GPHN: variants seen among roughly 807,000 people sequenced by gnomAD.
The protein encoded by GPHN is gephyrin.
Under a neutral mutation model 95.5 loss-of-function variants are expected in GPHN, and 17 were observed. The observed-to-expected ratio is 0.18, with a 90% CI of 0.12 to 0.27. The LOEUF is 0.27. GPHN is among the 10% of genes least tolerant of loss of function. The pLI is 1.00. For synonymous variants in GPHN, 320 were observed against 322.5 expected (o/e 0.99, Z 0.08); for missense variants, 660 against 978.1 (o/e 0.67, Z 4.34).
intron 2 of GPHN, among the ~76,000 whole-genome samples, chr14:66,715,912 A>G (rs768503309): frequency 2.7e-4 from 41 of 152,066 alleles, no homozygotes; most frequent in African/African-American, 1.2e-4. Context: ...CATATGGTCT[A>G]TCTTGGAGAA....
chr14:66,747,267 A>G (rs2058188329), intron 2 of GPHN, among the ~76,000 whole-genome samples: 2 of 152,088 alleles, frequency 1.3e-5, no homozygotes, highest in African/African-American at 2.4e-5. Context: ...AGGACCCCTA[A>G]TTGATTTTTA....
chr14:66,549,981 ACTT>A, intron 1 of GPHN, among the ~76,000 whole-genome samples: 1 of 152,200 alleles, frequency 6.6e-6, no homozygotes, highest in East Asian at 1.9e-4. Flanking sequence ...AAGTATTACT[ACTT>A]ATTGATAATG....
chr14:67,452,228 C>G, the GPHN span, among the ~76,000 whole-genome samples: 1 of 149,422 alleles, frequency 6.7e-6, no homozygotes, highest in African/African-American at 2.5e-5. Flanking sequence ...GAAGCTGAGG[C>G]AAGAGAATCA....
intron 5 of GPHN, among the ~76,000 whole-genome samples, chr14:66,908,803 A>G (rs984309475): frequency 6.6e-6 from 1 of 151,860 alleles, no homozygotes. Flanking sequence ...CCCTAATCTT[A>G]TCATCAGAAA....
intron 8 of GPHN, among the ~76,000 whole-genome samples, chr14:66,925,962 A>T (rs1014169661): frequency 2.0e-5 from 3 of 152,212 alleles, no homozygotes; most frequent in African/African-American, 7.2e-5. Context: ...AAGAGATGAT[A>T]TCTCATTATA....
At chr14:67,376,426 A>G in the GPHN span, 1 of 1,572,162 alleles carries the variant, frequency 6.4e-7, no homozygotes, top group Non-Finnish European at 8.6e-7. Flanking sequence ...TGAGCTTTTC[A>G]TTTTATTTCT....
At chr14:66,839,063 C>A (rs1005339716) in intron 4 of GPHN, among the ~76,000 whole-genome samples, 10 of 152,066 alleles carry the variant, frequency 6.6e-5, no homozygotes, top group African/African-American at 2.4e-4. Flanking sequence ...GACAAATGTC[C>A]ACTGGAGGTA....
chr14:67,364,796 A>G, the GPHN span: 1 of 1,613,702 alleles, frequency 6.2e-7, no homozygotes, highest in African/African-American at 1.3e-5. Flanking sequence ...AGATTTTATC[A>G]ACACAAATTT....
the GPHN span, chr14:67,359,775 T>G: frequency 3.6e-5 from 55 of 1,544,926 alleles, no homozygotes; most frequent in Admixed American, 9.1e-4. Flanking sequence ...GCCTCCACAG[T>G]GTCTTCCTCT....
the GPHN span, among the ~76,000 whole-genome samples, chr14:67,328,553 A>T: frequency 1.3e-5 from 2 of 152,194 alleles, no homozygotes; most frequent in Non-Finnish European, 2.9e-5. Flanking sequence ...GTCCTTGCCC[A>T]TGCCTATGTC....
chr14:66,688,301 T>C (rs770307157), intron 2 of GPHN, among the ~76,000 whole-genome samples: 7 of 151,818 alleles, frequency 4.6e-5, no homozygotes, highest in Non-Finnish European at 1.0e-4. Flanking sequence ...GTCTCAGGAG[T>C]GGCAGAGGCA....
the GPHN span, chr14:67,374,691 T>G: frequency 2.0e-6 from 1 of 502,258 alleles, no homozygotes; most frequent in Non-Finnish European, 3.3e-6. Flanking sequence ...TTTGAAGCCG[T>G]TTTAGGTTAA....
At chr14:66,810,133 A>G (rs940599392) in intron 3 of GPHN, among the ~76,000 whole-genome samples, 11 of 152,018 alleles carry the variant, frequency 7.2e-5, no homozygotes, top group Non-Finnish European at 1.2e-4. Context: ...AAATTATTAT[A>G]CTTCTTTAAC....
At chr14:67,054,397 A>G (rs1479385674) in intron 10 of GPHN, among the ~76,000 whole-genome samples, 1 of 152,158 alleles carries the variant, frequency 6.6e-6, no homozygotes, top group African/African-American at 2.4e-5. Context: ...TAACAAGGGA[A>G]GTGAAGGACC....
intron 1 of GPHN, among the ~76,000 whole-genome samples, chr14:66,629,120 A>T (rs1036496107): frequency 1.7e-4 from 23 of 133,914 alleles, no homozygotes; most frequent in African/African-American, 5.0e-4. Flanking sequence ...TACATATATA[A>T]ATATGTATAT....
At chr14:66,843,596 A>G (rs1286788375) in intron 4 of GPHN, among the ~76,000 whole-genome samples, 2 of 152,156 alleles carry the variant, frequency 1.3e-5, no homozygotes, top group African/African-American at 4.8e-5. Flanking sequence ...CCTCCTTTAC[A>G]GTTTGCTGCA....
At chr14:67,571,734 G>A in the GPHN span, 1 of 1,606,416 alleles carries the variant, frequency 6.2e-7, no homozygotes, top group Non-Finnish European at 8.5e-7. Context: ...TGCAGTGAGG[G>A]AGGGGCCTGT....
the GPHN span, among the ~76,000 whole-genome samples, chr14:67,309,813 G>T: frequency 1.3e-5 from 2 of 152,088 alleles, no homozygotes; most frequent in Non-Finnish European, 2.9e-5. Flanking sequence ...AACATCCTAG[G>T]CAGGTGATCT....
intron 2 of GPHN, among the ~76,000 whole-genome samples, chr14:66,701,275 CA>C (rs1334871798): frequency 6.6e-6 from 1 of 152,036 alleles, no homozygotes; most frequent in Non-Finnish European, 1.5e-5. Flanking sequence ...TACAATATCT[CA>C]AATATGTTTC....
Sources: gnomAD v4.1 joint callset for allele counts (sites outside exome capture counted in the v4.1 genomes callset) on GRCh38, gnomAD v4.1.1 for gene constraint, MANE v1.5 for transcripts, NCBI Gene and HGNC (gene_info 2026-07-23, HGNC 2026-07-21) for gene names.